The following CELF2 variants were observed in gnomAD, a reference collection of about 807,000 sequenced individuals.
CELF2 encodes CUG triplet repeat RNA-binding protein 2.
Under a neutral mutation model 62.6 loss-of-function variants are expected in CELF2, and 8 were observed. That is an observed-to-expected ratio of 0.13 (90% CI 0.07 to 0.23). The LOEUF is 0.23. Among genes scored for constraint, CELF2 ranks in the 10% least tolerant of loss-of-function variants. CELF2 has a pLI of 1.00. For synonymous variants in CELF2, 258 were observed against 250.0 expected, an observed-to-expected ratio of 1.03 and a Z score of -0.30; for missense variants, 333 against 671.0, an observed-to-expected ratio of 0.50 and a Z score of 5.56.
the CELF2 span, among the ~76,000 whole-genome samples, chr10:10,662,043 T>C: frequency 6.7e-6 from 1 of 149,528 alleles, no homozygotes; most frequent in South Asian, 2.1e-4. Context: ...TTGCGGGGGG[T>C]GGAGGTCAAG....
At chr10:10,771,600 C>T in the CELF2 span, among the ~76,000 whole-genome samples, 2 of 152,152 alleles carry the variant, frequency 1.3e-5, no homozygotes, top group Admixed American at 6.5e-5. Flanking sequence ...ATACTGTTCT[C>T]GTGTAGTGAA....
chr10:11,234,903 C>CA (rs1350878636), intron 3 of CELF2, among the ~76,000 whole-genome samples: 1 of 152,102 alleles, frequency 6.6e-6, no homozygotes, highest in African/African-American at 2.4e-5. Flanking sequence ...AGAGGGTTGA[C>CA]AATCCCTACG....
At chr10:10,856,939 G>A (rs778410014) in intron 1 of CELF2, among the ~76,000 whole-genome samples, 1 of 152,058 alleles carries the variant, frequency 6.6e-6, no homozygotes, top group Non-Finnish European at 1.5e-5. Context: ...CATGAAACAA[G>A]TTTGTTGGGA....
At chr10:11,048,509 A>G (rs768420166) in intron 1 of CELF2, among the ~76,000 whole-genome samples, 13 of 152,204 alleles carry the variant, frequency 8.5e-5, no homozygotes, top group Non-Finnish European at 1.8e-4. Context: ...CCGTGCCACC[A>G]ATCCTGGTTT....
At chr10:10,501,230 T>C in the CELF2 span, among the ~76,000 whole-genome samples, 1 of 152,232 alleles carries the variant, frequency 6.6e-6, no homozygotes, top group African/African-American at 2.4e-5. Flanking sequence ...CAGCAATGTA[T>C]GAGTAATCAA....
chr10:10,492,107 T>A, the CELF2 span, among the ~76,000 whole-genome samples: 1 of 152,198 alleles, frequency 6.6e-6, no homozygotes, highest in South Asian at 2.1e-4. Flanking sequence ...CAGAGACTAG[T>A]TATTGGTGAT....
At chr10:10,950,615 A>C (rs1184683501) in intron 2 of CELF2, among the ~76,000 whole-genome samples, 9 of 152,172 alleles carry the variant, frequency 5.9e-5, no homozygotes, top group Non-Finnish European at 1.2e-4. Context: ...TGACATGAAG[A>C]GGGACTCTGG....
Position 11,330,077 on chromosome 10 carries a change from TAG to T in CELF2, c.*1026_*1027del, listed in dbSNP as rs954714759. ...TGGGCTTTTTTTCACCGTTGAACCC[TAG>T]ACCTGAAGTTCATGCTTTATCCTCT... On this transcript the variant is annotated 3_prime_UTR_variant, in exon 13 of 13. Coordinates refer to ENST00000633077, the MANE Select transcript of CELF2 (RefSeq NM_001326342.2). This position sits in a 1 kb window ranked among gnomAD's most constrained non-coding sequence, Gnocchi z 4.5. 1 of 152,676 alleles carries T rather than the reference TAG, an allele frequency of 6.5e-6. No individual in the cohort carries two copies. The highest frequency in any genetic ancestry group is 1.5e-5 in the Non-Finnish European group (1 of 68,042). The allele number at this position is 152,676 out of a possible 1,614,324, so 9.5% of individuals were successfully genotyped here. A position where few individuals can be genotyped will look rare whatever the true frequency, so the allele number is the denominator to read the frequency against.
the CELF2 span, among the ~76,000 whole-genome samples, chr10:10,482,308 C>A: frequency 6.6e-6 from 1 of 152,046 alleles, no homozygotes; most frequent in Non-Finnish European, 1.5e-5. Context: ...GCTTAATGTT[C>A]AATCACAGAT....
At chr10:11,088,864 G>T (rs2047533829) in intron 1 of CELF2, among the ~76,000 whole-genome samples, 1 of 152,162 alleles carries the variant, frequency 6.6e-6, no homozygotes, top group Admixed American at 6.5e-5. Context: ...GAGTCATCTG[G>T]AGGTGTCCTC....
the CELF2 span, among the ~76,000 whole-genome samples, chr10:10,631,384 C>G: frequency 2.0e-5 from 3 of 152,200 alleles, no homozygotes; most frequent in Admixed American, 6.5e-5. Flanking sequence ...AACCTTCCGT[C>G]TCCAACCCAG....
chr10:10,472,980 C>T, the CELF2 span, among the ~76,000 whole-genome samples: 1 of 151,968 alleles, frequency 6.6e-6, no homozygotes, highest in East Asian at 1.9e-4. Context: ...TTTGCAGGAT[C>T]TCATTTCTGA....
At chr10:10,988,841 G>A (rs1370178976) in intron 2 of CELF2, among the ~76,000 whole-genome samples, 1 of 152,048 alleles carries the variant, frequency 6.6e-6, no homozygotes, top group Non-Finnish European at 1.5e-5. Context: ...TGTACTGGAA[G>A]TTCTGATCAT....
the CELF2 span, among the ~76,000 whole-genome samples, chr10:10,497,141 C>T: frequency 1.1e-4 from 17 of 150,824 alleles, no homozygotes; most frequent in African/African-American, 2.4e-4. Context: ...GCCGAGATCG[C>T]GCCACTGCAC....
At chr10:10,829,281 G>A (rs920340036) in intron 1 of CELF2, among the ~76,000 whole-genome samples, 2 of 152,130 alleles carry the variant, frequency 1.3e-5, no homozygotes, top group Admixed American at 1.3e-4. Context: ...CAGGAAAACA[G>A]TCACAATTAT....
chr10:10,876,202 C>A (rs2061079726), intron 1 of CELF2, among the ~76,000 whole-genome samples: 1 of 152,148 alleles, frequency 6.6e-6, no homozygotes, highest in African/African-American at 2.4e-5. Context: ...TCAATGTCAG[C>A]TTCCATTTGA....
At chr10:10,919,938 T>G (rs1485484463) in intron 1 of CELF2, 1 of 1,227,054 alleles carries the variant, frequency 8.1e-7, no homozygotes, top group Non-Finnish European at 1.0e-6. Context: ...TTAATCATAC[T>G]TATCTTCTTT....
At chr10:10,671,228 G>C in the CELF2 span, among the ~76,000 whole-genome samples, 1 of 149,440 alleles carries the variant, frequency 6.7e-6, no homozygotes, top group South Asian at 2.1e-4. Context: ...AAAGAATTAG[G>C]CACCTAAATT....
At chr10:10,595,055 C>T in the CELF2 span, among the ~76,000 whole-genome samples, 20 of 152,322 alleles carry the variant, frequency 1.3e-4, no homozygotes, top group Middle Eastern at 3.4e-3. Flanking sequence ...CTGACTTTGA[C>T]GTTAGCCCAG....
Sources: allele counts gnomAD v4.1 joint callset (sites outside exome capture counted in the v4.1 genomes callset), GRCh38; gene constraint gnomAD v4.1.1; non-coding constraint Gnocchi (gnomAD v3.1); transcripts MANE v1.5; gene names NCBI Gene and HGNC (gene_info 2026-07-23, HGNC 2026-07-21).